The following CSMD3 variants were observed in gnomAD, a reference collection of about 807,000 sequenced individuals.
CSMD3 encodes CUB and Sushi multiple domains 3.
A neutral mutation model predicts 435.2 loss-of-function variants in CSMD3; 177 were observed. That is an observed-to-expected ratio of 0.41 (90% CI 0.36 to 0.46). The LOEUF is 0.46. CSMD3 is among the 20% of genes least tolerant of loss of function. The pLI, the probability that CSMD3 is intolerant of heterozygous loss-of-function variation, is 0.34. For missense variants in CSMD3, 4,265 were observed against 4,504.6 expected, an observed-to-expected ratio of 0.95 and a Z score of 1.52; for synonymous variants, 1,656 against 1,520.5, an observed-to-expected ratio of 1.09 and a Z score of -2.07.
chr8:112,980,695 C>A (rs988848835), intron 6 of CSMD3, among the ~76,000 whole-genome samples: 1 of 151,316 alleles, frequency 6.6e-6, no homozygotes, highest in Non-Finnish European at 1.5e-5. Flanking sequence ...AGGACACTTG[C>A]GAACTAATTG....
intron 35 of CSMD3, among the ~76,000 whole-genome samples, chr8:112,402,631 T>C (rs1831439130): frequency 6.6e-6 from 1 of 152,070 alleles, no homozygotes; most frequent in South Asian, 2.1e-4. Flanking sequence ...AATACCTACA[T>C]AAATATATTA....
intron 32 of CSMD3, among the ~76,000 whole-genome samples, chr8:112,426,281 T>C (rs970675925): frequency 2.0e-5 from 3 of 152,080 alleles, no homozygotes; most frequent in Non-Finnish European, 4.4e-5. Context: ...TTTAAGCACA[T>C]TTTAATAGGT....
chr8:112,705,134 A>C (rs982826343), intron 13 of CSMD3, among the ~76,000 whole-genome samples: 1 of 152,072 alleles, frequency 6.6e-6, no homozygotes, highest in African/African-American at 2.4e-5. Context: ...CTACCCCAAA[A>C]TATTGTTTAT....
intron 2 of CSMD3, among the ~76,000 whole-genome samples, chr8:113,287,364 C>G (rs532152059): frequency 6.6e-6 from 1 of 152,112 alleles, no homozygotes; most frequent in South Asian, 2.1e-4. Context: ...ACCACAGGAA[C>G]AAGCTGATAT....
At chr8:112,660,657 C>T (rs555438682) in intron 17 of CSMD3, among the ~76,000 whole-genome samples, 3 of 151,836 alleles carry the variant, frequency 2.0e-5, no homozygotes, top group South Asian at 2.1e-4. Flanking sequence ...CTAAAAGGAG[C>T]GTTTATTTCA....
intron 11 of CSMD3, among the ~76,000 whole-genome samples, chr8:112,837,475 T>G (rs1351534233): frequency 6.6e-6 from 1 of 151,788 alleles, no homozygotes; most frequent in Non-Finnish European, 1.5e-5. Flanking sequence ...TTATATTATT[T>G]TGAGCAATTC....
intron 1 of CSMD3, among the ~76,000 whole-genome samples, chr8:113,326,546 C>A (rs1309043042): frequency 6.6e-6 from 1 of 152,044 alleles, no homozygotes; most frequent in Non-Finnish European, 1.5e-5. Flanking sequence ...TATTAAATCT[C>A]TACAATAAGC....
intron 22 of CSMD3, among the ~76,000 whole-genome samples, chr8:112,630,575 A>C (rs545701364): frequency 6.6e-6 from 1 of 152,110 alleles, no homozygotes; most frequent in Non-Finnish European, 1.5e-5. Flanking sequence ...TTGAGGACCA[A>C]TGAGAGCTGG....
intron 3 of CSMD3, among the ~76,000 whole-genome samples, chr8:113,195,808 T>TACACAC (rs1473493034): frequency 5.0e-5 from 7 of 141,332 alleles, no homozygotes; most frequent in African/African-American, 1.9e-4. Context: ...TATATATATA[T>TACACAC]ATATATACAC....
chr8:112,519,104 T>C (rs1218156634), intron 27 of CSMD3, among the ~76,000 whole-genome samples: 2 of 152,006 alleles, frequency 1.3e-5, no homozygotes, highest in African/African-American at 4.8e-5. Context: ...AGATTACAAT[T>C]AGAGATGAGA....
chr8:112,947,816 AT>A lies in CSMD3; in HGVS notation c.1481del (p.Asn494MetfsTer36). ...NLCPDPGEPE[N>X]GKRIGSDFSL... ...TAAAATCTGATCCGATTCTCTTCCCATTTTCTGGTTCTCCTGGATCTGGGCA... is the reference window on the plus strand; with the variant it reads ...TAAAATCTGATCCGATTCTCTTCCCATTTCTGGTTCTCCTGGATCTGGGCA... On this transcript the variant is annotated frameshift_variant, in exon 9 of 71. Transcript: ENST00000297405. LOFTEE classifies it high-confidence loss of function. The A allele has an allele frequency of 6.7e-7, 1 of 1,492,976 alleles. No homozygotes were observed. The highest frequency in any genetic ancestry group is 9.3e-7 in the Non-Finnish European group (1 of 1,071,918). 92.5% of individuals were successfully genotyped at this position (1,492,976 alleles called of 1,614,324 possible).
At chr8:113,123,412 T>C (rs1227337678) in intron 4 of CSMD3, among the ~76,000 whole-genome samples, 2 of 152,122 alleles carry the variant, frequency 1.3e-5, no homozygotes, top group East Asian at 1.9e-4. Context: ...TCTGGTCTAT[T>C]GCCTATTCTT....
intron 3 of CSMD3, among the ~76,000 whole-genome samples, chr8:113,195,833 ACACACACCCC>A (rs1280028882): frequency 3.4e-5 from 5 of 147,152 alleles, no homozygotes; most frequent in African/African-American, 1.2e-4. Flanking sequence ...ACACACACAC[ACACACACCCC>A]CACACACACA....
intron 2 of CSMD3, chr8:113,314,340 C>T (rs1198237912): frequency 3.9e-6 from 2 of 510,238 alleles, no homozygotes; most frequent in Non-Finnish European, 7.0e-6. Flanking sequence ...GAGATCACCA[C>T]TCAATATATA....
intron 23 of CSMD3, among the ~76,000 whole-genome samples, chr8:112,582,551 G>C (rs1830408575): frequency 6.6e-6 from 1 of 151,928 alleles, no homozygotes; most frequent in African/African-American, 2.4e-5. Flanking sequence ...CCAAATCATA[G>C]GGCTATCTAA....
At chr8:112,585,810 C>T (rs1293460727) in intron 23 of CSMD3, among the ~76,000 whole-genome samples, 1 of 151,434 alleles carries the variant, frequency 6.6e-6, no homozygotes, top group Non-Finnish European at 1.5e-5. Context: ...GATACATTTT[C>T]CCCCCATAAT....
At chr8:112,958,701 C>T (rs2084122761) in intron 7 of CSMD3, among the ~76,000 whole-genome samples, 1 of 152,128 alleles carries the variant, frequency 6.6e-6, no homozygotes, top group African/African-American at 2.4e-5. Flanking sequence ...TAAAAATTAA[C>T]CATATATTCA....
intron 69 of CSMD3, among the ~76,000 whole-genome samples, chr8:112,230,241 T>C (rs1385278146): frequency 6.6e-6 from 1 of 152,218 alleles, no homozygotes; most frequent in Non-Finnish European, 1.5e-5. Flanking sequence ...TATTCAGCAC[T>C]AAATTATACA....
chr8:113,411,029 AAAAG>A (rs2094557482), intron 1 of CSMD3, among the ~76,000 whole-genome samples: 1 of 151,888 alleles, frequency 6.6e-6, no homozygotes, highest in Non-Finnish European at 1.5e-5. Flanking sequence ...TAAAGAAAGA[AAAAG>A]AGAAAGAAGA....
Sources: allele counts gnomAD v4.1 joint callset (sites outside exome capture counted in the v4.1 genomes callset), GRCh38; gene constraint gnomAD v4.1.1; transcripts MANE v1.5; gene names NCBI Gene and HGNC (gene_info 2026-07-23, HGNC 2026-07-21).